Variants in MAPRE1 observed in about 807,000 individuals in gnomAD.
MAPRE1 encodes microtubule-associated protein RP/EB family member 1.
In MAPRE1, 5 loss-of-function variants were observed where a neutral mutation model predicts 32.1. The ratio of observed to expected loss-of-function variants is 0.16; its 90% CI spans 0.08 to 0.33. The LOEUF is 0.33. Ranked by LOEUF, MAPRE1 falls within the 10% of genes least tolerant of loss-of-function variation. The pLI is 1.00. For missense variants in MAPRE1, 209 were observed against 327.2 expected (o/e 0.64, Z 2.79); for synonymous variants, 122 against 118.9 (o/e 1.03, Z -0.17).
At position 32,850,266 on chromosome 20, in the gene MAPRE1, A is replaced by G. The variant is rs1433025976; in HGVS notation, c.*1538A>G. The G allele has an allele frequency of 1.3e-5, 2 of 152,572 alleles. No individual in the cohort carries two copies. Among genetic ancestry groups the G allele is most frequent in the Non-Finnish European group, 2.9e-5 (2 of 68,028 alleles). 9.5% of individuals were successfully genotyped at this position (152,572 alleles called of 1,614,324 possible). A position where few individuals can be genotyped will look rare whatever the true frequency, so the allele number is the denominator to read the frequency against. On this transcript the variant is annotated 3_prime_UTR_variant, in exon 7 of 7. Transcript: ENST00000375571. ...CCATTGTTCAAATGACAGTGGTGCTATTTCTCTTTTGTGGCCTTTTAGACT... is the reference window on the plus strand; with the variant it reads ...CCATTGTTCAAATGACAGTGGTGCTGTTTCTCTTTTGTGGCCTTTTAGACT...
intron 2 of MAPRE1, among the ~76,000 whole-genome samples, chr20:32,831,853 T>C (rs559537082): frequency 2.0e-5 from 3 of 151,840 alleles, no homozygotes; most frequent in Admixed American, 1.3e-4. Flanking sequence ...TTTTTTTTAA[T>C]TGTGTAAAAT....
At chr20:32,833,046 TAAA>T (rs1983083861) in intron 2 of MAPRE1, among the ~76,000 whole-genome samples, 3 of 151,794 alleles carry the variant, frequency 2.0e-5, no homozygotes, top group Admixed American at 6.6e-5. Context: ...ACAAAAAGAA[TAAA>T]AAACTAGTTG....
At chr20:32,826,731 G>T (rs778374510) in intron 2 of MAPRE1, among the ~76,000 whole-genome samples, 1 of 151,202 alleles carries the variant, frequency 6.6e-6, no homozygotes, top group Non-Finnish European at 1.5e-5. Flanking sequence ...GTTTCACCAT[G>T]AGGTCGAACT....
intron 5 of MAPRE1, among the ~76,000 whole-genome samples, chr20:32,842,444 C>T (rs540718607): frequency 8.5e-5 from 13 of 152,294 alleles, no homozygotes; most frequent in South Asian, 4.1e-4. Context: ...ATTTCACTTT[C>T]GCAGCAACCC....
chr20:32,826,219 T>C lies in MAPRE1; in HGVS notation c.121+171T>C, dbSNP rs1025126993. Reference sequence around the variant, plus strand: ...TGCTTCTGCTTCCAAAGGAACTTTTTTTTTTTTTTTTTTTTTTGACAGAGT... The same window carrying C: ...TGCTTCTGCTTCCAAAGGAACTTTTCTTTTTTTTTTTTTTTTTGACAGAGT... On this transcript the variant is annotated intron_variant, in intron 2 of 6. Coordinates refer to ENST00000375571, the MANE Select transcript of MAPRE1 (RefSeq NM_012325.3). 5.1e-4 allele frequency among the ~76,000 whole-genome samples: 73 copies of C among 143,178 alleles called. 1 individual carries two copies. The highest frequency in any genetic ancestry group is 1.0e-3 in the Admixed American group (15 of 14,596). The allele number at this position is 143,178 out of a possible 152,430, so 93.9% of individuals were successfully genotyped here.
chr20:32,821,106 C>T (rs1982688620), intron 1 of MAPRE1, among the ~76,000 whole-genome samples: 1 of 151,762 alleles, frequency 6.6e-6, no homozygotes, highest in Admixed American at 6.6e-5. Flanking sequence ...ACCTCCGCCT[C>T]CCGGGTTCAA....
At chr20:32,826,302 C>T (rs1213750784) in intron 2 of MAPRE1, among the ~76,000 whole-genome samples, 13 of 150,210 alleles carry the variant, frequency 8.7e-5, no homozygotes, top group East Asian at 3.9e-4. Context: ...CTTCAAGCTC[C>T]GCTTCCCGGG....
chr20:32,821,927 C>T (rs1301210883), intron 1 of MAPRE1, among the ~76,000 whole-genome samples: 2 of 152,034 alleles, frequency 1.3e-5, no homozygotes, highest in Non-Finnish European at 2.9e-5. Flanking sequence ...AGTCATGGGT[C>T]TTCCATGGCT....
chr20:32,834,537 G>GT (rs1568879652), intron 3 of MAPRE1, among the ~76,000 whole-genome samples: 1 of 151,838 alleles, frequency 6.6e-6, no homozygotes, highest in Non-Finnish European at 1.5e-5. Context: ...AGCCATTTTT[G>GT]GGGGGATAAC....
intron 5 of MAPRE1, among the ~76,000 whole-genome samples, chr20:32,840,636 A>G (rs1601169676): frequency 6.7e-6 from 1 of 149,538 alleles, no homozygotes; most frequent in East Asian, 2.0e-4. Flanking sequence ...CATTGAAAAA[A>G]TCTGGGATGC....
chr20:32,820,499 T>G (rs1294453711), intron 1 of MAPRE1, among the ~76,000 whole-genome samples: 2 of 152,184 alleles, frequency 1.3e-5, no homozygotes, highest in African/African-American at 4.8e-5. Context: ...TTAACCGCTG[T>G]GGATCTCAGC....
At chr20:32,824,040 A>G (rs1257440277) in intron 1 of MAPRE1, among the ~76,000 whole-genome samples, 1 of 152,204 alleles carries the variant, frequency 6.6e-6, no homozygotes, top group East Asian at 1.9e-4. Flanking sequence ...CTTAAGCTCA[A>G]CTGTTCATCT....
chr20:32,844,151 G>A (rs1254633049), intron 5 of MAPRE1, among the ~76,000 whole-genome samples: 1 of 152,192 alleles, frequency 6.6e-6, no homozygotes, highest in African/African-American at 2.4e-5. Flanking sequence ...ACTGCACCTG[G>A]CCAAGCCACA....
At chr20:32,826,277 C>T (rs571185480) in intron 2 of MAPRE1, among the ~76,000 whole-genome samples, 110 of 138,470 alleles carry the variant, frequency 7.9e-4, no homozygotes, top group African/African-American at 2.9e-3. Context: ...AGTGCAGTGG[C>T]GCGATCTCGG....
chr20:32,835,755 G>A (rs1490432499), intron 3 of MAPRE1, among the ~76,000 whole-genome samples: 8 of 151,518 alleles, frequency 5.3e-5, no homozygotes, highest in Non-Finnish European at 1.0e-4. Flanking sequence ...ACAGACGCCC[G>A]CCACCACACC....
chr20:32,843,407 G>A (rs2146138502), intron 5 of MAPRE1: 1 of 152,276 alleles, frequency 6.6e-6, no homozygotes, highest in East Asian at 1.9e-4. Context: ...TCGTCCTGGA[G>A]AAATTTACTT....
At chr20:32,840,402 T>C (rs1446693333) in intron 5 of MAPRE1, among the ~76,000 whole-genome samples, 1 of 152,196 alleles carries the variant, frequency 6.6e-6, no homozygotes, top group Non-Finnish European at 1.5e-5. Context: ...TTAGACATTT[T>C]CCCACTAATC....
At position 32,848,753 on chromosome 20, in the gene MAPRE1, C is replaced by T. The variant is rs376470655; in HGVS notation, c.*25C>T. 2.1e-5 allele frequency: 33 copies of T among 1,594,026 alleles called. No individual in the cohort carries two copies. Among genetic ancestry groups the T allele is most frequent in the South Asian group, 1.3e-4 (12 of 89,602 alleles). ...ACAGCCTGGACCAGCAGAGCAACAT[C>T]GGAATTCTTCACTCCAAATCATGTG... On this transcript the variant is annotated 3_prime_UTR_variant, in exon 7 of 7. Coordinates refer to ENST00000375571, the MANE Select transcript of MAPRE1 (RefSeq NM_012325.3).
At chr20:32,837,599 A>G (rs1271369549) in intron 4 of MAPRE1, among the ~76,000 whole-genome samples, 1 of 152,182 alleles carries the variant, frequency 6.6e-6, no homozygotes, top group Non-Finnish European at 1.5e-5. Flanking sequence ...CATAATACCT[A>G]GAGAGAGGCT....
Sources: allele counts gnomAD v4.1 joint callset (sites outside exome capture counted in the v4.1 genomes callset), GRCh38; gene constraint gnomAD v4.1.1; transcripts MANE v1.5; gene names NCBI Gene and HGNC (gene_info 2026-07-23, HGNC 2026-07-21).